Variants in PRKAA2 observed in about 807,000 individuals in gnomAD.
PRKAA2 encodes the protein protein kinase AMP-activated catalytic subunit alpha 2, also known as 5'-AMP-activated protein kinase catalytic subunit alpha-2.
In PRKAA2, 40 loss-of-function variants were observed where a neutral mutation model predicts 56.3. That is an observed-to-expected ratio of 0.71 (90% CI 0.55 to 0.92). PRKAA2 has a LOEUF of 0.92. PRKAA2 is among the 40% of genes least tolerant of loss of function. PRKAA2 has a pLI of 0.00. For synonymous variants in PRKAA2, 214 were observed against 234.2 expected (o/e 0.91, Z 0.79); for missense variants, 542 against 686.9 (o/e 0.79, Z 2.36).
chr1:56,681,783 T>G (rs9659343), intron 2 of PRKAA2, among the ~76,000 whole-genome samples: 67,392 of 151,844 alleles, frequency 0.44, 15,530 homozygotes, highest in East Asian at 0.59. Context: ...TTGAAGTCAG[T>G]TAGCGTGATG....
At chr1:56,679,176 T>G (rs1644135901) in intron 2 of PRKAA2, among the ~76,000 whole-genome samples, 1 of 152,208 alleles carries the variant, frequency 6.6e-6, no homozygotes, top group Admixed American at 6.5e-5. Flanking sequence ...TCCTGGCTGT[T>G]AAGTATTGAT....
intron 2 of PRKAA2, among the ~76,000 whole-genome samples, chr1:56,681,086 A>T (rs987058718): frequency 6.6e-6 from 1 of 151,886 alleles, no homozygotes. Context: ...TGTGGTTTTG[A>T]TTTGCATTTA....
At chr1:56,647,589 T>G (rs543385404) in intron 1 of PRKAA2, among the ~76,000 whole-genome samples, 1 of 152,326 alleles carries the variant, frequency 6.6e-6, no homozygotes, top group African/African-American at 2.4e-5. Flanking sequence ...AACAACCAGT[T>G]GAAGGAGTTT....
chr1:56,704,250 C>T lies in PRKAA2; in HGVS notation c.1068C>T (p.Ala356=), dbSNP rs1484675392. Residue 356 remains alanine (A), a synonymous_variant, in exon 7 of 9, where the codon GCC becomes GCT. Coordinates refer to ENST00000371244, the MANE Select transcript of PRKAA2 (RefSeq NM_006252.4). ...CTGGTTCTTTTATGGATGATAGTGC[C>T]ATGCATATTCCCCCAGGCCTGAAAC... The part of the protein sequence containing the change: ...PPSGSFMDDS[A]MHIPPGLKPH... 1.2e-6 allele frequency: 2 copies of T among 1,614,114 alleles called. No homozygotes were observed. The highest frequency in any genetic ancestry group is 1.7e-5 in the Admixed American group (1 of 60,008).
Position 56,713,722 on chromosome 1 carries a change from T to C in PRKAA2, c.*6009T>C, listed in dbSNP as rs1284501500. The C allele has an allele frequency of 7.0e-6, 1 of 142,644 alleles. No individual in the cohort carries two copies. Among genetic ancestry groups the C allele is most frequent in the African/African-American group, 2.4e-5 (1 of 40,998 alleles). The allele number at this position is 142,644 out of a possible 1,614,324, so 8.8% of individuals were successfully genotyped here. A position where few individuals can be genotyped will look rare whatever the true frequency, so the allele number is the denominator to read the frequency against. On this transcript the variant is annotated 3_prime_UTR_variant, in exon 9 of 9. Transcript: ENST00000371244. ...ATTCTAGCCAAGGAGAATTGCATTG[T>C]TATTTTTTTTTCTACTAATTTAAAC...
chr1:56,649,700 A>G lies in PRKAA2; in HGVS notation c.94+4219A>G, dbSNP rs796146053. 3.3e-5 allele frequency among the ~76,000 whole-genome samples: 5 copies of G among 152,226 alleles called. No homozygotes were observed. The East Asian group carries it at 5.8e-4, about 18-fold the overall frequency. On this transcript the variant is annotated intron_variant, in intron 1 of 8. Transcript: ENST00000371244. The stretch of plus-strand genomic sequence containing the variant: ...GACTATGTTGACCAGGCTGTTCTCA[A>G]ACTTGTGGCCTTAAGCAGTCTATCT...
intron 2 of PRKAA2, among the ~76,000 whole-genome samples, chr1:56,678,054 C>T (rs566416475): frequency 6.6e-6 from 1 of 152,244 alleles, no homozygotes; most frequent in African/African-American, 2.4e-5. Context: ...CTGTCTCATC[C>T]TGATTATTTA....
chr1:56,703,573 A>G (rs2100436448), intron 6 of PRKAA2, among the ~76,000 whole-genome samples: 1 of 152,324 alleles, frequency 6.6e-6, no homozygotes, highest in African/African-American at 2.4e-5. Context: ...TTGGAAAAGA[A>G]AAAAAGCATA....
chr1:56,709,672 T>C lies in PRKAA2; in HGVS notation c.*1959T>C, dbSNP rs1017504111. On this transcript the variant is annotated 3_prime_UTR_variant, in exon 9 of 9. Coordinates refer to ENST00000371244, the MANE Select transcript of PRKAA2 (RefSeq NM_006252.4). ...TGGAATTACCTTAGAAATAAGGAAC[T>C]AATCAGATTACTTAACCCCAATGAC... 1 of 152,106 alleles carries C rather than the reference T, an allele frequency of 6.6e-6. No individual in the cohort carries two copies. Among genetic ancestry groups the C allele is most frequent in the East Asian group, 1.9e-4 (1 of 5,194 alleles). 9.4% of individuals were successfully genotyped at this position (152,106 alleles called of 1,614,324 possible).
intron 1 of PRKAA2, among the ~76,000 whole-genome samples, chr1:56,660,488 A>G (rs939919104): frequency 1.3e-5 from 2 of 152,126 alleles, no homozygotes; most frequent in Admixed American, 6.6e-5. Flanking sequence ...GAACACAGCA[A>G]TTCTCCATAC....
At chr1:56,657,821 A>C (rs1200146992) in intron 1 of PRKAA2, among the ~76,000 whole-genome samples, 1 of 152,226 alleles carries the variant, frequency 6.6e-6, no homozygotes, top group Non-Finnish European at 1.5e-5. Flanking sequence ...AACAGAAGAC[A>C]TATAACAAAG....
At chr1:56,675,913 T>C (rs1644109705) in intron 2 of PRKAA2, among the ~76,000 whole-genome samples, 1 of 152,056 alleles carries the variant, frequency 6.6e-6, no homozygotes, top group African/African-American at 2.4e-5. Flanking sequence ...GTGAGTCAAA[T>C]AAGATTGGTA....
intron 2 of PRKAA2, among the ~76,000 whole-genome samples, chr1:56,674,993 T>A (rs1320861007): frequency 6.6e-6 from 1 of 152,090 alleles, no homozygotes; most frequent in South Asian, 2.1e-4. Context: ...CTTGTAGAAC[T>A]GAAAGTAGTA....
Position 56,708,929 on chromosome 1 carries a change from C to T in PRKAA2, c.*1216C>T, listed in dbSNP as rs938405797. On this transcript the variant is annotated 3_prime_UTR_variant, in exon 9 of 9. Coordinates refer to ENST00000371244, the MANE Select transcript of PRKAA2 (RefSeq NM_006252.4). ...ACACACCAGTGCTTTTAAGCAAAAA[C>T]CAGTTTTTTTGTTTGTTTGTTTTGC... The T allele has an allele frequency of 6.6e-6, 1 of 151,532 alleles. No individual in the cohort carries two copies. The highest frequency in any genetic ancestry group is 1.5e-5 in the Non-Finnish European group (1 of 67,892). 9.4% of individuals were successfully genotyped at this position (151,532 alleles called of 1,614,324 possible). A position where few individuals can be genotyped will look rare whatever the true frequency, so the allele number is the denominator to read the frequency against.
chr1:56,663,731 A>G (rs1644012684), intron 1 of PRKAA2, among the ~76,000 whole-genome samples: 1 of 152,160 alleles, frequency 6.6e-6, no homozygotes, highest in African/African-American at 2.4e-5. Context: ...CTTTTCAATT[A>G]AGGCATGAAC....
chr1:56,692,911 T>C (rs545878972), intron 4 of PRKAA2, among the ~76,000 whole-genome samples: 1 of 151,984 alleles, frequency 6.6e-6, no homozygotes, highest in South Asian at 2.1e-4. Flanking sequence ...ATGCATGCAG[T>C]TGGAAAAAAG....
At chr1:56,687,922 T>A (rs1019555568) in intron 2 of PRKAA2, among the ~76,000 whole-genome samples, 2 of 152,204 alleles carry the variant, frequency 1.3e-5, no homozygotes, top group Non-Finnish European at 2.9e-5. Context: ...TTTTCTGGAT[T>A]ATTAATTTAT....
intron 1 of PRKAA2, among the ~76,000 whole-genome samples, chr1:56,672,832 G>C (rs1408245825): frequency 6.6e-6 from 1 of 152,016 alleles, no homozygotes; most frequent in African/African-American, 2.4e-5. Flanking sequence ...TGATAAGGGA[G>C]GAAAAGAAGG....
chr1:56,683,038 CTGATGGGTTAG>C (rs1644166074), intron 2 of PRKAA2, among the ~76,000 whole-genome samples: 1 of 141,166 alleles, frequency 7.1e-6, no homozygotes, highest in Non-Finnish European at 1.5e-5. Flanking sequence ...TAATGTATTA[CTGATGGGTTAG>C]ATAAGGAGGA....
Sources: allele counts gnomAD v4.1 joint callset (sites outside exome capture counted in the v4.1 genomes callset), GRCh38; gene constraint gnomAD v4.1.1; transcripts MANE v1.5; gene names NCBI Gene and HGNC (gene_info 2026-07-23, HGNC 2026-07-21).